The following KCNMA1 variants were observed in gnomAD, a reference collection of about 807,000 sequenced individuals.
The protein encoded by KCNMA1 is potassium calcium-activated channel subfamily M alpha 1.
In KCNMA1, 29 loss-of-function variants were observed where a neutral mutation model predicts 140.0. The observed-to-expected ratio is 0.21, with a 90% CI of 0.15 to 0.28. The LOEUF (loss-of-function observed/expected upper bound fraction) is 0.28, where lower values mean the gene tolerates loss of function less well. Ranked by LOEUF, KCNMA1 falls within the 10% of genes least tolerant of loss-of-function variation. The pLI, the probability that KCNMA1 is intolerant of heterozygous loss-of-function variation, is 1.00. For synonymous variants in KCNMA1, 612 were observed against 611.9 expected (o/e 1.00, Z 0.00); for missense variants, 880 against 1,602.2 (o/e 0.55, Z 7.70).
At chr10:77,419,946 A>G (rs1341633261) in intron 1 of KCNMA1, among the ~76,000 whole-genome samples, 1 of 152,234 alleles carries the variant, frequency 6.6e-6, no homozygotes, top group African/African-American at 2.4e-5. Context: ...TCAATGGGCT[A>G]GAGGCCCCAG....
intron 9 of KCNMA1, among the ~76,000 whole-genome samples, chr10:77,107,561 TC>T (rs2097220891): frequency 6.6e-6 from 1 of 152,204 alleles, no homozygotes; most frequent in African/African-American, 2.4e-5. Context: ...GGTACTGCCC[TC>T]TACTTAGGAA....
rs542871419 is a variant in KCNMA1, at chr10:76,951,919, C to T, written c.2484+1882G>A. ...TGCTAGAACACAAGCTCTGTGAGAG[C>T]AGTCGTTGTCAGGGATTGCATCTCC... On this transcript the variant is annotated intron_variant, in intron 21 of 27. Transcript: ENST00000286628. The T allele has an allele frequency of 9.7e-5, 93 of 955,410 alleles. No homozygotes were observed. The African/African-American group carries it at 1.2e-3, about 12-fold the overall frequency. 59.2% of individuals were successfully genotyped at this position (955,410 alleles called of 1,614,324 possible).
chr10:76,945,892 C>T (rs2063805546), intron 22 of KCNMA1, among the ~76,000 whole-genome samples: 1 of 151,910 alleles, frequency 6.6e-6, no homozygotes. Flanking sequence ...AGCCATTACA[C>T]TAATAATGGT....
intron 25 of KCNMA1, among the ~76,000 whole-genome samples, chr10:76,898,559 A>T (rs1194947443): frequency 2.6e-5 from 4 of 151,884 alleles, no homozygotes; most frequent in Non-Finnish European, 5.9e-5. Flanking sequence ...CAATACATAT[A>T]ACAAAGTATA....
chr10:77,535,137 C>T (rs1052917927), intron 1 of KCNMA1, among the ~76,000 whole-genome samples: 1 of 152,168 alleles, frequency 6.6e-6, no homozygotes, highest in African/African-American at 2.4e-5. Context: ...CACATGCACA[C>T]ACTCCAGTAG....
At chr10:77,055,437 A>G (rs2095509227) in intron 14 of KCNMA1, among the ~76,000 whole-genome samples, 1 of 151,934 alleles carries the variant, frequency 6.6e-6, no homozygotes. Context: ...AAATGGAGGA[A>G]ATCACTGTTT....
chr10:77,082,002 C>CT lies in KCNMA1; in HGVS notation c.1524-2453dup, dbSNP rs772878572. Among the ~76,000 whole-genome samples the CT allele has an allele frequency of 2.6e-3, 132 of 51,676 alleles. 16 individuals carry two copies. The highest frequency in any genetic ancestry group is 2.8e-3 in the African/African-American group (51 of 18,092). The allele number at this position is 51,676 out of a possible 152,430, so 33.9% of individuals were successfully genotyped here. ...CCTTTGACCAGTAATTTCTTTTTTT[C>CT]TTTTCTTTTTTTTTTTTTTTTTTTT... On this transcript the variant is annotated intron_variant, in intron 12 of 27. Coordinates refer to ENST00000286628, the MANE Select transcript of KCNMA1 (RefSeq NM_001161352.2).
intron 1 of KCNMA1, among the ~76,000 whole-genome samples, chr10:77,474,996 T>C (rs1227206222): frequency 6.6e-6 from 1 of 151,762 alleles, no homozygotes; most frequent in Non-Finnish European, 1.5e-5. Context: ...GAGGACAGAG[T>C]GGGACAACTG....
At chr10:77,039,997 C>T (rs563588669) in intron 14 of KCNMA1, among the ~76,000 whole-genome samples, 1 of 145,986 alleles carries the variant, frequency 6.8e-6, no homozygotes, top group African/African-American at 2.5e-5. Context: ...ATCCTCCTGC[C>T]TCAGCCTCTG....
chr10:77,150,178 G>GTTGTT (rs1352448622), intron 5 of KCNMA1: 37 of 152,288 alleles, frequency 2.4e-4, no homozygotes, highest in African/African-American at 8.4e-4. Context: ...TCGCATTGTT[G>GTTGTT]CTTATGCTGT....
intron 1 of KCNMA1, among the ~76,000 whole-genome samples, chr10:77,473,224 T>C (rs1387668423): frequency 6.6e-6 from 1 of 152,230 alleles, no homozygotes; most frequent in Non-Finnish European, 1.5e-5. Context: ...TGACTTCAAC[T>C]GGCCAACTTT....
At chr10:77,256,022 C>T (rs1189207700) in intron 2 of KCNMA1, among the ~76,000 whole-genome samples, 1 of 151,918 alleles carries the variant, frequency 6.6e-6, no homozygotes, top group Non-Finnish European at 1.5e-5. Context: ...AGATGAAAAT[C>T]CCGGTGGACC....
At chr10:76,913,840 A>G in intron 24 of KCNMA1, 1 of 541,816 alleles carries the variant, frequency 1.8e-6, no homozygotes, top group Non-Finnish European at 3.3e-6. Flanking sequence ...GGTGTGATCA[A>G]AGGTTTACTG....
In KCNMA1 at chr10:76,932,555, A is replaced by T. The variant is rs544637401; in HGVS notation, c.2902+12218T>A. ...CTTTGATGTTTAATAACCTTTCTGC[A>T]GCCATTATGTCTTTGTATTCATACA... On this transcript the variant is annotated intron_variant, in intron 23 of 27. Transcript: ENST00000286628. Among the ~76,000 whole-genome samples the T allele has an allele frequency of 3.9e-5, 6 of 152,308 alleles. 1 individual carries two copies. The highest frequency in any genetic ancestry group is 1.4e-4 in the African/African-American group (6 of 41,576).
intron 5 of KCNMA1, among the ~76,000 whole-genome samples, chr10:77,172,193 C>T (rs754135894): frequency 2.0e-5 from 3 of 152,134 alleles, no homozygotes; most frequent in Non-Finnish European, 4.4e-5. Context: ...GGTAAATATA[C>T]GTCCAGTCCT....
chr10:77,172,961 C>A (rs1299395730), intron 5 of KCNMA1, among the ~76,000 whole-genome samples: 5 of 152,182 alleles, frequency 3.3e-5, no homozygotes, highest in African/African-American at 1.2e-4. Context: ...ATAAGGGCAC[C>A]AATACCATTC....
At chr10:77,232,416 A>G (rs183342114) in intron 3 of KCNMA1, among the ~76,000 whole-genome samples, 28 of 152,310 alleles carry the variant, frequency 1.8e-4, no homozygotes, top group Admixed American at 1.3e-3. Context: ...ATCCTTGTCA[A>G]CACTTGTTAT....
chr10:77,371,107 C>G (rs1385491573), intron 2 of KCNMA1, among the ~76,000 whole-genome samples: 1 of 152,178 alleles, frequency 6.6e-6, no homozygotes, highest in Non-Finnish European at 1.5e-5. Flanking sequence ...TTAAAGACAG[C>G]CAGGAAAACA....
intron 21 of KCNMA1, among the ~76,000 whole-genome samples, chr10:76,952,750 G>T (rs1193803914): frequency 6.6e-6 from 1 of 152,172 alleles, no homozygotes; most frequent in Non-Finnish European, 1.5e-5. Flanking sequence ...AAGCATAGGG[G>T]AAAGTCCAGT....
Sources: gnomAD v4.1 joint callset for allele counts (sites outside exome capture counted in the v4.1 genomes callset) on GRCh38, gnomAD v4.1.1 for gene constraint, MANE v1.5 for transcripts, NCBI Gene and HGNC (gene_info 2026-07-23, HGNC 2026-07-21) for gene names.